MAF: variants seen among roughly 807,000 people sequenced by gnomAD.
MAF encodes transcription factor Maf.
A neutral mutation model predicts 22.0 loss-of-function variants in MAF; 10 were observed. The ratio of observed to expected loss-of-function variants is 0.45; its 90% confidence interval spans 0.28 to 0.77. The LOEUF is 0.77. Among genes scored for constraint, MAF ranks in the 30% least tolerant of loss-of-function variants. The pLI, the probability that MAF is intolerant of heterozygous loss-of-function variation, is 0.12. For missense variants in MAF, 544 were observed against 548.4 expected (o/e 0.99, Z 0.08); for synonymous variants, 337 against 255.8 (o/e 1.32, Z -3.03).
chr16:79,226,602 C>A, the MAF span, among the ~76,000 whole-genome samples: 2 of 151,806 alleles, frequency 1.3e-5, no homozygotes, highest in East Asian at 3.9e-4. Flanking sequence ...GGGTATGATC[C>A]CATTTTTGTT....
chr16:79,414,107 C>T, the MAF span, among the ~76,000 whole-genome samples: 1 of 152,194 alleles, frequency 6.6e-6, no homozygotes, highest in South Asian at 2.1e-4. Flanking sequence ...ATACCTCATA[C>T]ATTCTCTTAC....
the MAF span, chr16:79,203,112 C>T: frequency 9.9e-5 from 15 of 152,186 alleles, no homozygotes; most frequent in African/African-American, 3.1e-4. Flanking sequence ...TAACTAGCAA[C>T]ACGCTGCTGG....
chr16:79,394,876 C>T, the MAF span, among the ~76,000 whole-genome samples: 3 of 152,146 alleles, frequency 2.0e-5, no homozygotes, highest in Non-Finnish European at 2.9e-5. Flanking sequence ...TATAAGTGTA[C>T]CAGAACATCT....
the MAF span, among the ~76,000 whole-genome samples, chr16:79,557,624 C>A: frequency 2.0e-5 from 3 of 152,180 alleles, no homozygotes; most frequent in East Asian, 5.8e-4. Flanking sequence ...TAGCAGCCAA[C>A]CCTCAGAGTG....
chr16:79,410,610 G>C, the MAF span, among the ~76,000 whole-genome samples: 10 of 152,186 alleles, frequency 6.6e-5, no homozygotes, highest in Admixed American at 2.0e-4. Flanking sequence ...CTGTTGAGAA[G>C]GTCAACCATG....
At chr16:79,250,882 A>G in the MAF span, among the ~76,000 whole-genome samples, 1 of 152,200 alleles carries the variant, frequency 6.6e-6, no homozygotes, top group African/African-American at 2.4e-5. Context: ...TTTCAGTGCT[A>G]AAACTGGGAC....
chr16:79,450,687 A>G, the MAF span, among the ~76,000 whole-genome samples: 2 of 152,192 alleles, frequency 1.3e-5, no homozygotes, highest in Non-Finnish European at 2.9e-5. Context: ...TATTTTACAA[A>G]GAAAGTGTGA....
chr16:79,268,224 C>T, the MAF span, among the ~76,000 whole-genome samples: 5 of 152,156 alleles, frequency 3.3e-5, no homozygotes, highest in Non-Finnish European at 5.9e-5. Flanking sequence ...CCCTCTCCCC[C>T]ACAAACACCG....
chr16:79,578,955 G>T, the MAF span, among the ~76,000 whole-genome samples: 1 of 152,144 alleles, frequency 6.6e-6, no homozygotes, highest in Non-Finnish European at 1.5e-5. Context: ...ACAAGGGAGG[G>T]ACCCTTCCAG....
At chr16:79,528,339 G>A in the MAF span, among the ~76,000 whole-genome samples, 25 of 152,256 alleles carry the variant, frequency 1.6e-4, no homozygotes, top group Middle Eastern at 6.8e-3. Flanking sequence ...AAAAGGCCGA[G>A]CTCATGTGGC....
At chr16:79,573,013 T>C in the MAF span, among the ~76,000 whole-genome samples, 5 of 152,300 alleles carry the variant, frequency 3.3e-5, no homozygotes, top group South Asian at 1.0e-3. Context: ...CATTATTATG[T>C]GGTTGTGAGG....
the MAF span, among the ~76,000 whole-genome samples, chr16:79,365,550 G>T: frequency 6.6e-6 from 1 of 150,650 alleles, no homozygotes; most frequent in African/African-American, 2.5e-5. Flanking sequence ...TCTCCTCTCG[G>T]AAATGCTATT....
chr16:79,246,268 A>T, the MAF span, among the ~76,000 whole-genome samples: 1 of 152,140 alleles, frequency 6.6e-6, no homozygotes, highest in African/African-American at 2.4e-5. Flanking sequence ...CTAAATCGTT[A>T]ATGACTACTT....
the MAF span, among the ~76,000 whole-genome samples, chr16:79,389,063 G>A: frequency 1.3e-5 from 2 of 152,102 alleles, no homozygotes; most frequent in African/African-American, 2.4e-5. Context: ...TGATCCCATC[G>A]GAGACAGCAG....
At chr16:79,551,648 G>A in the MAF span, among the ~76,000 whole-genome samples, 13 of 152,250 alleles carry the variant, frequency 8.5e-5, no homozygotes, top group Non-Finnish European at 1.2e-4. Context: ...TTGTTCTTGT[G>A]CAGCCCAGGA....
chr16:79,477,705 G>A, the MAF span, among the ~76,000 whole-genome samples: 1 of 151,964 alleles, frequency 6.6e-6, no homozygotes, highest in South Asian at 2.1e-4. Context: ...GAAATTCATT[G>A]TGGAATTAAG....
At chr16:79,585,270 G>A (rs936347046), downstream of MAF, among the ~76,000 whole-genome samples, 1 of 152,136 alleles carries the variant, frequency 6.6e-6, no homozygotes, top group Non-Finnish European at 1.5e-5. Context: ...TCAGGTTTCT[G>A]CTTCCCACCC....
chr16:79,283,286 G>A, the MAF span, among the ~76,000 whole-genome samples: 1 of 152,208 alleles, frequency 6.6e-6, no homozygotes, highest in South Asian at 2.1e-4. Flanking sequence ...AGAAAAGCAC[G>A]CCATGTTACA....
At chr16:79,398,464 G>C in the MAF span, among the ~76,000 whole-genome samples, 1 of 152,132 alleles carries the variant, frequency 6.6e-6, no homozygotes, top group South Asian at 2.1e-4. Flanking sequence ...GCAGGGATGG[G>C]TGCATTATCC....
Sources: gnomAD v4.1 joint callset for allele counts (sites outside exome capture counted in the v4.1 genomes callset) on GRCh38, gnomAD v4.1.1 for gene constraint, MANE v1.5 for transcripts, NCBI Gene and HGNC (gene_info 2026-07-23, HGNC 2026-07-21) for gene names.